PTPRM: variants seen among roughly 807,000 people sequenced by gnomAD.
The protein encoded by PTPRM is receptor-type tyrosine-protein phosphatase mu.
PTPRM carries 47 observed loss-of-function variants against 186.7 expected under a neutral mutation model. That is an observed-to-expected ratio of 0.25 (90% CI 0.20 to 0.32). The LOEUF (loss-of-function observed/expected upper bound fraction) is 0.32. Ranked by LOEUF, PTPRM falls within the 10% of genes least tolerant of loss-of-function variation. The pLI is 1.00. For synonymous variants in PTPRM, 668 were observed against 674.9 expected, an observed-to-expected ratio of 0.99 and a Z score of 0.16; for missense variants, 1,494 against 1,865.0, an observed-to-expected ratio of 0.80 and a Z score of 3.66.
intron 14 of PTPRM, among the ~76,000 whole-genome samples, chr18:8,216,181 C>T (rs1035186522): frequency 6.6e-6 from 1 of 152,040 alleles, no homozygotes; most frequent in Non-Finnish European, 1.5e-5. Context: ...TTTCTAACCC[C>T]GGTTCTCTCT....
chr18:7,653,837 A>C (rs925792791), intron 1 of PTPRM, among the ~76,000 whole-genome samples: 1 of 152,140 alleles, frequency 6.6e-6, no homozygotes, highest in Non-Finnish European at 1.5e-5. Context: ...ATACCCAGTA[A>C]TGGGGTTGCT....
intron 7 of PTPRM, among the ~76,000 whole-genome samples, chr18:8,007,904 G>A (rs900896853): frequency 2.0e-5 from 3 of 152,156 alleles, no homozygotes; most frequent in Admixed American, 6.5e-5. Flanking sequence ...GAGAGGAATC[G>A]ATCTTTTTTA....
chr18:8,300,582 C>G (rs1157413689), intron 20 of PTPRM, among the ~76,000 whole-genome samples: 1 of 151,946 alleles, frequency 6.6e-6, no homozygotes, highest in Non-Finnish European at 1.5e-5. Context: ...CCATCCTGCT[C>G]CTTACTAGTG....
intron 1 of PTPRM, among the ~76,000 whole-genome samples, chr18:7,574,275 T>C (rs566866914): frequency 5.9e-5 from 9 of 152,310 alleles, no homozygotes; most frequent in African/African-American, 2.2e-4. Flanking sequence ...GTTGTAAAAC[T>C]CAAATGAATA....
intron 2 of PTPRM, among the ~76,000 whole-genome samples, chr18:7,790,919 A>C (rs1357300404): frequency 6.6e-6 from 1 of 152,172 alleles, no homozygotes; most frequent in Non-Finnish European, 1.5e-5. Context: ...TAAAAAAAAA[A>C]ACACATATGC....
chr18:8,031,551 C>T (rs2085975996), intron 7 of PTPRM, among the ~76,000 whole-genome samples: 1 of 152,166 alleles, frequency 6.6e-6, no homozygotes, highest in African/African-American at 2.4e-5. Context: ...ATGTATCTTA[C>T]TCGTGCACCT....
intron 6 of PTPRM, among the ~76,000 whole-genome samples, chr18:7,953,187 TA>T (rs2069058250): frequency 6.6e-6 from 1 of 152,216 alleles, no homozygotes; most frequent in Admixed American, 6.5e-5. Flanking sequence ...ACAAATGCAT[TA>T]AAGTCCCATC....
At chr18:8,358,972 A>G (rs2095580090) in intron 23 of PTPRM, among the ~76,000 whole-genome samples, 1 of 152,216 alleles carries the variant, frequency 6.6e-6, no homozygotes, top group Non-Finnish European at 1.5e-5. Context: ...TATATTCACT[A>G]AGGATGTGAG....
chr18:8,276,116 G>A (rs980439346), intron 19 of PTPRM, among the ~76,000 whole-genome samples: 4 of 151,964 alleles, frequency 2.6e-5, no homozygotes, highest in Admixed American at 2.6e-4. Flanking sequence ...GTTCCACTAG[G>A]ACCAGCTCAA....
intron 22 of PTPRM, among the ~76,000 whole-genome samples, chr18:8,341,727 A>C (rs2095476135): frequency 6.7e-6 from 1 of 149,668 alleles, no homozygotes; most frequent in South Asian, 2.2e-4. Flanking sequence ...TGTTTGCGCA[A>C]AGAAGGACTC....
At chr18:8,111,022 C>G (rs2091730616) in intron 11 of PTPRM, among the ~76,000 whole-genome samples, 1 of 152,174 alleles carries the variant, frequency 6.6e-6, no homozygotes, top group Non-Finnish European at 1.5e-5. Flanking sequence ...AGAACTGGCT[C>G]TGCTGTCAGA....
At chr18:7,892,177 G>A (rs1185535908) in intron 3 of PTPRM, among the ~76,000 whole-genome samples, 1 of 152,128 alleles carries the variant, frequency 6.6e-6, no homozygotes, top group East Asian at 1.9e-4. Flanking sequence ...CTTCTCTTGG[G>A]CCTTAGCAGT....
chr18:7,818,541 A>G (rs2044984102), intron 2 of PTPRM, among the ~76,000 whole-genome samples: 1 of 152,184 alleles, frequency 6.6e-6, no homozygotes, highest in South Asian at 2.1e-4. Context: ...TGGGATACAC[A>G]GTGAATTCTG....
At chr18:7,662,459 A>C (rs1664983) in intron 1 of PTPRM, among the ~76,000 whole-genome samples, 50,347 of 151,992 alleles carry the variant, frequency 0.33, 12,499 homozygotes, top group African/African-American at 0.7. Context: ...ATAAGCCAGG[A>C]ACAAAAAGAC....
intron 2 of PTPRM, among the ~76,000 whole-genome samples, chr18:7,793,986 G>A (rs2043472142): frequency 6.6e-6 from 1 of 152,184 alleles, no homozygotes; most frequent in South Asian, 2.1e-4. Context: ...TTCGGCCTAC[G>A]GAACGATGCG....
intron 1 of PTPRM, among the ~76,000 whole-genome samples, chr18:7,614,421 C>T (rs2037752965): frequency 6.6e-6 from 1 of 152,018 alleles, no homozygotes; most frequent in South Asian, 2.1e-4. Flanking sequence ...TTAAGGTACC[C>T]AAAGAATATT....
intron 9 of PTPRM, among the ~76,000 whole-genome samples, chr18:8,085,318 A>G (rs1012560404): frequency 4.6e-5 from 7 of 152,054 alleles, no homozygotes; most frequent in African/African-American, 1.7e-4. Flanking sequence ...CCTTGTCAGT[A>G]TCTTATCTGT....
intron 2 of PTPRM, among the ~76,000 whole-genome samples, chr18:7,825,686 C>T (rs762166364): frequency 2.0e-5 from 3 of 152,114 alleles, no homozygotes; most frequent in Non-Finnish European, 4.4e-5. Flanking sequence ...AGGCTCCCAT[C>T]CCCTAGAAGT....
chr18:7,772,373 T>TTCTTTCTTTCTTTC (rs2042339932), intron 1 of PTPRM, among the ~76,000 whole-genome samples: 1 of 123,360 alleles, frequency 8.1e-6, no homozygotes, highest in African/African-American at 3.1e-5. Flanking sequence ...CTTTCTTTCT[T>TTCTTTCTTTCTTTC]TCTTTCTTTC....
Sources: allele counts gnomAD v4.1 joint callset (sites outside exome capture counted in the v4.1 genomes callset), GRCh38; gene constraint gnomAD v4.1.1; transcripts MANE v1.5; gene names NCBI Gene and HGNC (gene_info 2026-07-23, HGNC 2026-07-21).